DLGAP2: variants seen among roughly 807,000 people sequenced by gnomAD.
DLGAP2 encodes DLG associated protein 2.
DLGAP2 carries 26 observed loss-of-function variants against 100.3 expected under a neutral mutation model. The ratio of observed to expected loss-of-function variants is 0.26; its 90% CI spans 0.19 to 0.36. The LOEUF is 0.36. Among genes scored for constraint, DLGAP2 ranks in the 10% least tolerant of loss-of-function variants. The probability of loss-of-function intolerance (pLI) is 1.00; values close to 1 mark genes in which losing one functional copy is unlikely to be tolerated. For missense variants in DLGAP2, 1,858 were observed against 1,453.2 expected (o/e 1.28, Z -4.53); for synonymous variants, 886 against 630.1 (o/e 1.41, Z -6.08).
rs1408381744 is a variant in DLGAP2 at position 963,257 on chromosome 8, G to C, written c.73+55291G>C. On this transcript the variant is annotated intron_variant, in intron 2 of 14. Coordinates refer to ENST00000637795, the MANE Select transcript of DLGAP2 (RefSeq NM_001346810.2). ...CACCCCACGACCCCATTTGGAAACA[G>C]TGTTTGAAAATGAGTATTTCAGAAG... 2.0e-5 allele frequency among the ~76,000 whole-genome samples: 3 copies of C among 148,164 alleles called. No individual in the cohort carries two copies. In the East Asian group the frequency reaches 5.8e-4, roughly 29 times the overall value.
At position 795,456 on chromosome 8, in the gene DLGAP2, A is replaced by C. The variant is rs140336481; in HGVS notation, c.18+57631A>C. On this transcript the variant is annotated intron_variant, in intron 1 of 14. Transcript: ENST00000637795. ...AGCTTGGGGCCATTTTAAACAGTGAAATCACCCACAAAAAGCATGAAAATG... is the reference window on the plus strand; with the variant it reads ...AGCTTGGGGCCATTTTAAACAGTGACATCACCCACAAAAAGCATGAAAATG... 6.4e-4 allele frequency among the ~76,000 whole-genome samples: 98 copies of C among 152,330 alleles called. 1 individual carries two copies. The highest frequency in any genetic ancestry group is 1.7e-3 in the African/African-American group (69 of 41,568).
chr8:956,245 C>T (rs971034089), intron 2 of DLGAP2, among the ~76,000 whole-genome samples: 1 of 152,230 alleles, frequency 6.6e-6, no homozygotes. Context: ...TTCCACTGTG[C>T]ACAGCGTCTG....
intron 1 of DLGAP2, among the ~76,000 whole-genome samples, chr8:769,910 C>G (rs1307182638): frequency 1.3e-5 from 2 of 152,278 alleles, no homozygotes; most frequent in East Asian, 3.9e-4. Context: ...GCTGAGCTGA[C>G]TGGCTTCAGC....
intron 3 of DLGAP2, among the ~76,000 whole-genome samples, chr8:1,274,354 T>C (rs1799640534): frequency 6.6e-6 from 1 of 152,052 alleles, no homozygotes; most frequent in African/African-American, 2.4e-5. Flanking sequence ...AGCCAGCACG[T>C]ATAAGAAAAT....
At chr8:878,984 G>A (rs1797734218) in intron 1 of DLGAP2, among the ~76,000 whole-genome samples, 1 of 152,234 alleles carries the variant, frequency 6.6e-6, no homozygotes. Flanking sequence ...AGAGTCCTGG[G>A]ACTGATGGTA....
At chr8:843,555 C>T (rs1044814554) in intron 1 of DLGAP2, among the ~76,000 whole-genome samples, 1 of 152,242 alleles carries the variant, frequency 6.6e-6, no homozygotes, top group African/African-American at 2.4e-5. Flanking sequence ...CCAGCCACTG[C>T]CCCTCTGTCC....
chr8:1,230,235 GC>G (rs1317445531), intron 2 of DLGAP2, among the ~76,000 whole-genome samples: 2 of 152,148 alleles, frequency 1.3e-5, no homozygotes, highest in Admixed American at 1.3e-4. Flanking sequence ...CAAACTGAGA[GC>G]CAAATCAAGA....
At chr8:1,237,487 T>G (rs1202715809) in intron 2 of DLGAP2, among the ~76,000 whole-genome samples, 1 of 147,232 alleles carries the variant, frequency 6.8e-6, no homozygotes, top group Non-Finnish European at 1.5e-5. Context: ...TCTAGTTCTC[T>G]CTCACACATA....
intron 2 of DLGAP2, among the ~76,000 whole-genome samples, chr8:928,647 G>A (rs1205803500): frequency 6.6e-6 from 1 of 152,086 alleles, no homozygotes; most frequent in African/African-American, 2.4e-5. Context: ...GGAAGAACTT[G>A]GTGATACTGG....
intron 2 of DLGAP2, among the ~76,000 whole-genome samples, chr8:1,169,617 C>A (rs144293543): frequency 0.038 from 5,746 of 152,190 alleles, 399 homozygotes; most frequent in African/African-American, 0.13. Context: ...AAGCTGCATT[C>A]CTAGGTATTT....
At chr8:1,114,245 G>A (rs916175277) in intron 2 of DLGAP2, among the ~76,000 whole-genome samples, 2 of 151,890 alleles carry the variant, frequency 1.3e-5, no homozygotes, top group African/African-American at 4.8e-5. Flanking sequence ...CTCCTTTTCA[G>A]TTTTTTTTAA....
rs77031210 is a variant in DLGAP2, at chr8:1,095,427, A to G, written c.74-163424A>G. 2.2e-3 allele frequency among the ~76,000 whole-genome samples: 341 copies of G among 152,302 alleles called. 13 individuals are homozygous for G. The East Asian group carries it at 0.06, about 27-fold the overall frequency. On this transcript the variant is annotated intron_variant, in intron 2 of 14. Coordinates refer to ENST00000637795, the MANE Select transcript of DLGAP2 (RefSeq NM_001346810.2). ...GGGGTTCTTGTTGGGATCCTCCATCAGGGCTGCTTCCGGTTACACTTGACT... is the reference window on the plus strand; with the variant it reads ...GGGGTTCTTGTTGGGATCCTCCATCGGGGCTGCTTCCGGTTACACTTGACT...
At chr8:974,188 A>G (rs1444283718) in intron 2 of DLGAP2, among the ~76,000 whole-genome samples, 1 of 152,252 alleles carries the variant, frequency 6.6e-6, no homozygotes, top group Non-Finnish European at 1.5e-5. Flanking sequence ...AGCAAGATAT[A>G]TATTAAAAAT....
At position 953,318 on chromosome 8, in the gene DLGAP2, C is replaced by G. The variant is rs758652254; in HGVS notation, c.73+45352C>G. 2.0e-5 allele frequency among the ~76,000 whole-genome samples: 3 copies of G among 152,172 alleles called. No homozygotes were observed. The East Asian group carries it at 5.8e-4, about 29-fold the overall frequency. On this transcript the variant is annotated intron_variant, in intron 2 of 14. Coordinates refer to ENST00000637795, the MANE Select transcript of DLGAP2 (RefSeq NM_001346810.2). ...CAAGCAATTCTCTGCCTCAGCCTCC[C>G]GAGTAGCTGGGATTACAGACACTTG... is the stretch of plus-strand genomic sequence containing the variant.
At chr8:941,035 G>C (rs1469409013) in intron 2 of DLGAP2, among the ~76,000 whole-genome samples, 2 of 152,198 alleles carry the variant, frequency 1.3e-5, no homozygotes, top group Non-Finnish European at 2.9e-5. Flanking sequence ...GTTAGCCTTT[G>C]TACCAGAAGC....
chr8:1,599,343 A>T (rs1303909610), intron 6 of DLGAP2, among the ~76,000 whole-genome samples: 1 of 152,168 alleles, frequency 6.6e-6, no homozygotes, highest in African/African-American at 2.4e-5. Context: ...TATTCTGTTG[A>T]TTTAGGGTGG....
intron 2 of DLGAP2, among the ~76,000 whole-genome samples, chr8:933,580 TG>T (rs1799011222): frequency 1.2e-5 from 1 of 83,930 alleles, no homozygotes; most frequent in Non-Finnish European, 2.3e-5. Flanking sequence ...TGGAGACATC[TG>T]GCCGTGGGCA....
intron 1 of DLGAP2, among the ~76,000 whole-genome samples, chr8:755,915 T>A (rs1820906862): frequency 6.6e-6 from 1 of 152,044 alleles, no homozygotes; most frequent in Admixed American, 6.5e-5. Flanking sequence ...GTGGAGAGTG[T>A]GGGATAATGC....
intron 1 of DLGAP2, among the ~76,000 whole-genome samples, chr8:900,353 C>G (rs1440384705): frequency 6.6e-6 from 1 of 150,396 alleles, no homozygotes; most frequent in Non-Finnish European, 1.5e-5. Context: ...GGTGGGCGCC[C>G]TCCTCTTCAC....
Sources: gnomAD v4.1 joint callset for allele counts (sites outside exome capture counted in the v4.1 genomes callset) on GRCh38, gnomAD v4.1.1 for gene constraint, MANE v1.5 for transcripts, NCBI Gene and HGNC (gene_info 2026-07-23, HGNC 2026-07-21) for gene names.